The following TP53I13 variants were observed in gnomAD, a reference collection of about 807,000 sequenced individuals.
TP53I13 encodes the protein tumor protein p53 inducible protein 13.
In TP53I13, 27 loss-of-function variants were observed where a neutral mutation model predicts 39.1. The ratio of observed to expected loss-of-function variants is 0.69; its 90% CI spans 0.51 to 0.95. The LOEUF (loss-of-function observed/expected upper bound fraction) is 0.95. TP53I13 is among the 40% of genes least tolerant of loss of function. The pLI is 0.00. For synonymous variants in TP53I13, 230 were observed against 224.6 expected, an observed-to-expected ratio of 1.02 and a Z score of -0.22; for missense variants, 544 against 520.4, an observed-to-expected ratio of 1.05 and a Z score of -0.44.
At chr17:29,574,487 T>C (rs781462538), downstream of TP53I13, 2 of 621,648 alleles carry the variant, frequency 3.2e-6, no homozygotes, top group Non-Finnish European at 5.8e-6. Context: ...GGGAGGTGCA[T>C]GGAATGTGGG....
chr17:29,572,134 CTCCTT>C lies in TP53I13; in HGVS notation c.514-7_514-3del. 6.2e-7 allele frequency: 1 copy of C among 1,608,670 alleles called. No individual in the cohort carries two copies. The highest frequency in any genetic ancestry group is 8.5e-7 in the Non-Finnish European group (1 of 1,176,912). ...CAGCAGGGTGATTGCTCTCTCTCCT[CTCCTT>C]AGGCCCTGGCTCTGGCCTTTGCTCT... On this transcript the variant is annotated splice_polypyrimidine_tract_variant and splice_region_variant and intron_variant, in intron 5 of 6. Transcript: ENST00000301057.
At chr17:29,570,683 CCTTA>C (rs1242211629) in intron 3 of TP53I13, 3 of 152,232 alleles carry the variant, frequency 2.0e-5, no homozygotes, top group Non-Finnish European at 4.4e-5. Context: ...GCTTTTCAGG[CCTTA>C]CTTAAGTAAG....
downstream of TP53I13, chr17:29,575,357 A>G (rs1028262975): frequency 3.7e-6 from 6 of 1,613,546 alleles, no homozygotes; most frequent in Non-Finnish European, 5.1e-6. The surrounding 1 kb of genome is among the most constrained non-coding windows in gnomAD (Gnocchi z 5.5). Context: ...CTCTGTCTTC[A>G]AGATGACATC....
At chr17:29,566,446 A>G, upstream of TP53I13, 1 of 1,612,536 alleles carries the variant, frequency 6.2e-7, no homozygotes, top group Non-Finnish European at 8.5e-7. Context: ...AAGGCCGAGC[A>G]CGTTGCGGGT....
At chr17:29,578,443 G>A in the TP53I13 span, 2 of 1,405,628 alleles carry the variant, frequency 1.4e-6, no homozygotes, top group African/African-American at 2.8e-5. Context: ...TCCCCAGCAT[G>A]TTGTGAGCCT....
the TP53I13 span, chr17:29,579,348 A>G: frequency 4.0e-4 from 129 of 318,602 alleles, 1 homozygote; most frequent in Non-Finnish European, 6.7e-4. Context: ...TGTTCCACCC[A>G]GCAGCCAGGG....
downstream of TP53I13, chr17:29,573,274 A>T (rs2033043756): frequency 4.2e-6 from 1 of 236,966 alleles, no homozygotes; most frequent in Admixed American, 5.7e-5. Context: ...GTCCCTGGAC[A>T]TGGGGCTTTA....
upstream of TP53I13, chr17:29,566,660 C>G: frequency 6.2e-7 from 1 of 1,602,588 alleles, no homozygotes; most frequent in Non-Finnish European, 8.5e-7. Flanking sequence ...AGGTGGGGCC[C>G]GGAGAACCAG....
chr17:29,576,236 T>G (rs746821383), downstream of TP53I13: 4 of 1,608,232 alleles, frequency 2.5e-6, no homozygotes, highest in Non-Finnish European at 2.6e-6. Flanking sequence ...GTGGAAAGGC[T>G]GCAGCCGCGT....
the TP53I13 span, chr17:29,579,462 A>G: frequency 9.5e-5 from 16 of 168,078 alleles, no homozygotes; most frequent in Non-Finnish European, 1.3e-5. Flanking sequence ...AGAATACCCT[A>G]GGGACGGGCA....
downstream of TP53I13, chr17:29,575,264 C>G (rs769522976): frequency 1.2e-4 from 184 of 1,597,138 alleles, no homozygotes; most frequent in Admixed American, 4.4e-4. The surrounding 1 kb of genome is among the most constrained non-coding windows in gnomAD (Gnocchi z 5.5). Flanking sequence ...CTGCATCCCC[C>G]TCACCTCCCC....
the TP53I13 span, among the ~76,000 whole-genome samples, chr17:29,580,766 G>T: frequency 6.6e-6 from 1 of 151,156 alleles, no homozygotes; most frequent in East Asian, 1.9e-4. Flanking sequence ...GGTAGCTTCT[G>T]TTTCTTTTTC....
In TP53I13 at chr17:29,572,523, G is replaced by T. The variant is rs929844348; in HGVS notation, c.895G>T (p.Ala299Ser). The change falls in exon 6 of 7, where the codon GCA becomes TCA. Residue 299 changes from alanine (A) to serine (S), a missense_variant. Physicochemically the swap from Ala to Ser is moderately conservative, Grantham distance 99 (BLOSUM62 1). Coordinates refer to ENST00000301057, the MANE Select transcript of TP53I13 (RefSeq NM_138349.4). ...CCCTCGCGCAGCAGCGCCTCCACGG[G>T]CAGCCCGGGGCCCCACCCCACGCAC... ...PAPRAAAPPR[A>S]ARGPTPRTEE... is the part of the protein sequence containing the mutation. 6 of 1,605,518 alleles carry T rather than the reference G, an allele frequency of 3.7e-6. No homozygotes were observed. In the Middle Eastern group the frequency reaches 5.0e-4, roughly 133 times the overall value.
At chr17:29,577,854 G>T (rs2033268318), downstream of TP53I13, 10 of 713,932 alleles carry the variant, frequency 1.4e-5, no homozygotes, top group Admixed American at 2.1e-4. Flanking sequence ...CTGAGCACTG[G>T]TGTTCAGAAC....
At chr17:29,576,516 C>A (rs1016694112), downstream of TP53I13, 3 of 1,613,714 alleles carry the variant, frequency 1.9e-6, no homozygotes, top group African/African-American at 1.3e-5. Context: ...GAGGCTGCAC[C>A]CTCACCTCTC....
chr17:29,576,061 G>T, downstream of TP53I13: 1 of 1,612,688 alleles, frequency 6.2e-7, no homozygotes, highest in Non-Finnish European at 8.5e-7. Flanking sequence ...AGATGGACAC[G>T]CCTTCCCCAG....
At position 29,572,518 on chromosome 17, in the gene TP53I13, C is replaced by T; in HGVS notation, c.890C>T (p.Pro297Leu). The T allele has an allele frequency of 1.2e-6, 2 of 1,607,628 alleles. No homozygotes were observed. The highest frequency in any genetic ancestry group is 8.5e-7 in the Non-Finnish European group (1 of 1,177,350). ...ASPAPRAAAPPRAARGPTPRT... is the reference protein window; with the variant it reads ...ASPAPRAAAPLRAARGPTPRT... Reference sequence around the variant, plus strand: ...CCGGCCCCTCGCGCAGCAGCGCCTCCACGGGCAGCCCGGGGCCCCACCCCA... The same window carrying T: ...CCGGCCCCTCGCGCAGCAGCGCCTCTACGGGCAGCCCGGGGCCCCACCCCA... The change falls in exon 6 of 7, where the codon CCA (proline) becomes CTA (leucine). Residue 297 changes from proline to leucine, a missense_variant. Transcript: ENST00000301057.
chr17:29,572,274 A>G lies in TP53I13; in HGVS notation c.646A>G (p.Thr216Ala). 1 of 1,612,840 alleles carries G rather than the reference A, an allele frequency of 6.2e-7. No individual in the cohort carries two copies. Among genetic ancestry groups the G allele is most frequent in the East Asian group, 2.2e-5 (1 of 44,868 alleles). The part of the protein sequence containing the change: ...RLRAALGPQP[T>A]RSALRFPSAS... ...GCGGGCTGCCCTTGGTCCCCAGCCC[A>G]CTCGCTCAGCCCTGAGGTTTCCCTC... Residue 216 changes from threonine to alanine, a missense_variant, in exon 6 of 7, where the codon ACT (threonine) becomes GCT (alanine). Transcript: ENST00000301057.
At chr17:29,567,039 C>A (rs1395717292), upstream of TP53I13, 16 of 1,186,364 alleles carry the variant, frequency 1.3e-5, no homozygotes, top group Non-Finnish European at 1.7e-5. This position sits in a 1 kb window ranked among gnomAD's most constrained non-coding sequence, Gnocchi z 6.6. Context: ...GCTTTGCCCG[C>A]GGCTCCGCCC....
Sources: gnomAD v4.1 joint callset for allele counts (sites outside exome capture counted in the v4.1 genomes callset) on GRCh38, gnomAD v4.1.1 for gene constraint, Gnocchi (gnomAD v3.1) non-coding constraint, MANE v1.5 for transcripts, NCBI Gene and HGNC (gene_info 2026-07-23, HGNC 2026-07-21) for gene names.